NBPF19: variants seen among roughly 807,000 people sequenced by gnomAD.
NBPF19 encodes the protein NBPF family member NBPF19.
A neutral mutation model predicts 45.9 loss-of-function variants in NBPF19; 30 were observed. That is an observed-to-expected ratio of 0.65 (90% CI 0.49 to 0.89). The LOEUF (loss-of-function observed/expected upper bound fraction) is 0.89, where lower values mean the gene tolerates loss of function less well. Among genes scored for constraint, NBPF19 ranks in the 40% least tolerant of loss-of-function variants. NBPF19 has a pLI of 0.00. For missense variants in NBPF19, 495 were observed against 471.8 expected (o/e 1.05, Z -0.46); for synonymous variants, 183 against 181.2 (o/e 1.01, Z -0.08).
chr1:149,479,822 G>C (rs1306846180), intron 4 of NBPF19, among the ~76,000 whole-genome samples: 1 of 150,854 alleles, frequency 6.6e-6, no homozygotes, highest in Admixed American at 6.6e-5. Flanking sequence ...CCAAGCCTGT[G>C]CCTGGGAATC....
chr1:149,487,308 G>A lies in NBPF19; in HGVS notation c.989-24G>A, dbSNP rs1241714034. ...GTGCAAGGAAGAACTTAATGTAAGAGGGCCCATCTGAATTTATTTGCAGGA... is the reference window on the plus strand; with the variant it reads ...GTGCAAGGAAGAACTTAATGTAAGAAGGCCCATCTGAATTTATTTGCAGGA... On this transcript the variant is annotated intron_variant, in intron 8 of 93. Coordinates refer to ENST00000651566, the MANE Select transcript of NBPF19 (RefSeq NM_001351365.2). 5 of 1,544,586 alleles carry A rather than the reference G, an allele frequency of 3.2e-6. 1 individual carries two copies. The Middle Eastern group carries it at 5.5e-4, about 169-fold the overall frequency.
rs1490774920 is a variant in NBPF19, at chr1:149,475,481, C to A, written c.-350C>A. Among the ~76,000 whole-genome samples, 1 of 150,996 alleles carries A rather than the reference C, an allele frequency of 6.6e-6. No homozygotes were observed. The highest frequency in any genetic ancestry group is 1.5e-5 in the Non-Finnish European group (1 of 67,658). On this transcript the variant is annotated 5_prime_UTR_variant, in exon 1 of 94. Transcript: ENST00000651566. ...TCTGTGGCATTGTCACAAGGGTACACGAATACTGAGAGTGAATGCTGAAGG... is the reference window on the plus strand; with the variant it reads ...TCTGTGGCATTGTCACAAGGGTACAAGAATACTGAGAGTGAATGCTGAAGG...
chr1:149,487,967 T>G, intron 9 of NBPF19, 46 bp from the exon 10 acceptor site: 1 of 695,478 alleles, frequency 1.4e-6, no homozygotes, highest in Non-Finnish European at 2.7e-6. Flanking sequence ...GCTGTGTGGT[T>G]TCTGATTCCC....
chr1:149,482,539 G>C (rs1200607509), intron 7 of NBPF19, among the ~76,000 whole-genome samples: 8 of 151,802 alleles, frequency 5.3e-5, no homozygotes, highest in Non-Finnish European at 8.8e-5. Context: ...ATCTCCTTGA[G>C]TTCTGCTCTG....
At position 149,487,324 on chromosome 1, in the gene NBPF19, AT is replaced by A. The variant is rs2085594958; in HGVS notation, c.989-5del. On this transcript the variant is annotated splice_polypyrimidine_tract_variant and splice_region_variant and intron_variant, in intron 8 of 93. Coordinates refer to ENST00000651566, the MANE Select transcript of NBPF19 (RefSeq NM_001351365.2). ...AATGTAAGAGGGCCCATCTGAATTT[AT>A]TTGCAGGACATCGCTGGGATCAAGT... The A allele has an allele frequency of 6.4e-7, 1 of 1,563,128 alleles. No individual in the cohort carries two copies. Among genetic ancestry groups the A allele is most frequent in the African/African-American group, 1.4e-5 (1 of 73,774 alleles).
At chr1:149,494,052 C>A (rs2085977565) in intron 17 of NBPF19, among the ~76,000 whole-genome samples, 1 of 120,408 alleles carries the variant, frequency 8.3e-6, no homozygotes. Context: ...TTGACCCCTT[C>A]ATCAGTGTGT....
intron 7 of NBPF19, 70 bp from the exon 8 acceptor site, chr1:149,486,060 C>T: frequency 4.0e-6 from 1 of 247,834 alleles, no homozygotes; most frequent in Non-Finnish European, 7.0e-6. Context: ...ATCAGATCAT[C>T]TGGGAGGTTT....
At chr1:149,487,518 T>C (rs2101609622) in intron 9 of NBPF19, 135 bp downstream of exon 9, 1 of 1,004,850 alleles carries the variant, frequency 1.0e-6, no homozygotes, top group East Asian at 2.4e-5. Flanking sequence ...TACATTGCTT[T>C]TTTGTTCTCA....
chr1:149,486,364 T>A, intron 8 of NBPF19, 71 bp downstream of exon 8: 1 of 648,036 alleles, frequency 1.5e-6, no homozygotes, highest in Non-Finnish European at 2.8e-6. Flanking sequence ...TCTTTGGGCC[T>A]TGTGCCCCTT....
chr1:149,483,601 A>G (rs1395287165), intron 7 of NBPF19, among the ~76,000 whole-genome samples: 3 of 150,418 alleles, frequency 2.0e-5, no homozygotes, highest in Admixed American at 6.6e-5. Flanking sequence ...TTCTTCCGTT[A>G]GTTGATGCAG....
chr1:149,477,721 T>C (rs2084927465), intron 2 of NBPF19, among the ~76,000 whole-genome samples: 1 of 151,252 alleles, frequency 6.6e-6, no homozygotes. Flanking sequence ...CTTGTCAACT[T>C]CCTTGATGCG....
chr1:149,554,699 C>G lies in NBPF19; in HGVS notation c.11493C>G (p.Leu3831=), dbSNP rs1397175294. 1,948 of 1,608,276 alleles carry G rather than the reference C, an allele frequency of 1.2e-3. 99 individuals are homozygous for G. The East Asian group carries it at 0.041, about 34-fold the overall frequency. ...TTTTTACTTTGACGGTGACAAGTCT[C>G]CATCTGGTGTTCCAGATGTTAGTCA... The part of the protein sequence containing the change: ...NRFFTLTVTS[L]HLVFQMLVIF... Residue 3831 remains leucine, a synonymous_variant, in exon 94 of 94, where the codon CTC becomes CTG. Transcript: ENST00000651566.
intron 4 of NBPF19, among the ~76,000 whole-genome samples, chr1:149,479,764 T>G (rs1427682339): frequency 3.4e-4 from 51 of 150,482 alleles, no homozygotes; most frequent in African/African-American, 1.2e-3. Flanking sequence ...AAGTTTGTCC[T>G]CTCCTAAGAG....
intron 17 of NBPF19, among the ~76,000 whole-genome samples, chr1:149,494,098 C>G (rs1279285323): frequency 7.4e-6 from 1 of 135,732 alleles, no homozygotes; most frequent in East Asian, 2.3e-4. Context: ...TTTCTCCTCT[C>G]TCTCTCTCTC....
Position 149,554,628 on chromosome 1 carries a change from T to C in NBPF19, c.11422T>C (p.Phe3808Leu). The part of the protein sequence containing the change: ...FQHYRSVFYS[F>L]EEEHISFALY... ...GCACTACAGAAGTGTGTTTTACTCA[T>C]TTGAGGAAGAGCATATCAGCTTCGC... Residue 3808 changes from phenylalanine to leucine, a missense_variant, in exon 94 of 94, where the codon TTT (phenylalanine) becomes CTT (leucine). Physicochemically the swap from Phe to Leu is conservative, Grantham distance 22 (BLOSUM62 0). Transcript: ENST00000651566. 1.9e-6 allele frequency: 3 copies of C among 1,608,336 alleles called. No homozygotes were observed. Among genetic ancestry groups the C allele is most frequent in the Non-Finnish European group, 1.7e-6 (2 of 1,176,768 alleles).
chr1:149,477,059 G>A (rs1487117067), intron 2 of NBPF19, among the ~76,000 whole-genome samples: 13 of 150,470 alleles, frequency 8.6e-5, no homozygotes, highest in African/African-American at 2.4e-4. Context: ...AGATCACACC[G>A]GAGAATGTGT....
chr1:149,488,488 G>A (rs2085769094), intron 10 of NBPF19, among the ~76,000 whole-genome samples: 1 of 120,646 alleles, frequency 8.3e-6, no homozygotes, highest in African/African-American at 3.2e-5. Flanking sequence ...CAATTTTGTA[G>A]ATCTTGTAGA....
intron 13 of NBPF19, among the ~76,000 whole-genome samples, chr1:149,490,847 C>G (rs1456396044): frequency 9.0e-6 from 1 of 111,000 alleles, no homozygotes; most frequent in Admixed American, 9.6e-5. Context: ...GTTACTCCCT[C>G]ATCAGTGTGT....
At chr1:149,519,445 CTGTGTG>C (rs374862187) in intron 49 of NBPF19, among the ~76,000 whole-genome samples, 4 of 10,688 alleles carry the variant, frequency 3.7e-4, no homozygotes, top group African/African-American at 8.1e-4. Context: ...CTCTCTCTCT[CTGTGTG>C]TGTGTGTGTG....
Sources: allele counts gnomAD v4.1 joint callset (sites outside exome capture counted in the v4.1 genomes callset), GRCh38; gene constraint gnomAD v4.1.1; transcripts MANE v1.5; gene names NCBI Gene and HGNC (gene_info 2026-07-23, HGNC 2026-07-21).